The following ATP2A2 variants were observed in gnomAD, a reference collection of about 807,000 sequenced individuals.
ATP2A2 encodes the protein ATPase sarcoplasmic/endoplasmic reticulum Ca2+ transporting 2.
A neutral mutation model predicts 109.3 loss-of-function variants in ATP2A2; 14 were observed. The observed-to-expected ratio is 0.13, with a 90% CI of 0.08 to 0.20. The LOEUF (loss-of-function observed/expected upper bound fraction) is 0.20, where lower values mean the gene tolerates loss of function less well. ATP2A2 is among the 10% of genes least tolerant of loss of function. ATP2A2 has a pLI of 1.00. For synonymous variants in ATP2A2, 506 were observed against 490.9 expected (o/e 1.03, Z -0.41); for missense variants, 657 against 1,321.6 (o/e 0.50, Z 7.80).
chr12:110,349,247 G>C lies in ATP2A2; in HGVS notation c.*2777G>C. ...GACCAGGTCCAGCACCGTGGTCTTG[G>C]CACATCCCTGGCCTCAGGCCCTCAC... On this transcript the variant is annotated 3_prime_UTR_variant, in exon 20 of 20. Coordinates refer to ENST00000539276, the MANE Select transcript of ATP2A2 (RefSeq NM_170665.4). 1.0e-6 allele frequency: 1 copy of C among 985,542 alleles called. No individual in the cohort carries two copies. 61.0% of individuals were successfully genotyped at this position (985,542 alleles called of 1,614,324 possible). A position where few individuals can be genotyped will look rare whatever the true frequency, so the allele number is the denominator to read the frequency against.
chr12:110,312,849 C>CAAAAAAAAAAAAAAAAAA (rs34180879), intron 5 of ATP2A2, among the ~76,000 whole-genome samples: 1 of 66,190 alleles, frequency 1.5e-5, no homozygotes. Context: ...GACTCTGTTG[C>CAAAAAAAAAAAAAAAAAA]AAAAAAAAAA....
intron 4 of ATP2A2, among the ~76,000 whole-genome samples, chr12:110,293,035 AGG>A (rs1194160051): frequency 6.6e-6 from 1 of 152,058 alleles, no homozygotes; most frequent in Non-Finnish European, 1.5e-5. Context: ...TTGATCTTTT[AGG>A]TATTTGACGG....
At chr12:110,310,468 G>A (rs557142674) in intron 5 of ATP2A2, among the ~76,000 whole-genome samples, 2 of 152,270 alleles carry the variant, frequency 1.3e-5, no homozygotes, top group South Asian at 2.1e-4. Context: ...AGTATATGCC[G>A]CAGGGGTTAT....
rs923907674 is a variant in ATP2A2, at chr12:110,345,379, A to G, written c.2738A>G (p.Asn913Ser). Residue 913 changes from asparagine (N) to serine (S), a missense_variant, in exon 18 of 20, where the codon AAC becomes AGC. Around this residue, in one of 9 missense-constraint regions of ATP2A2, gnomAD observed 125 missense variants for 243.5 expected, o/e 0.51. Transcript: ENST00000539276. ...ACTATAGAAATGTGTAACGCCCTCA[A>G]CAGGTTAGTGCACCTTCACGGCAGG... ...LVTIEMCNAL[N>S]SLSENQSLLR... The G allele has an allele frequency of 1.2e-6, 2 of 1,614,096 alleles. No individual in the cohort carries two copies. Among genetic ancestry groups the G allele is most frequent in the Non-Finnish European group, 1.7e-6 (2 of 1,180,048 alleles).
chr12:110,319,003 A>G (rs1269759643), intron 5 of ATP2A2, among the ~76,000 whole-genome samples: 1 of 152,130 alleles, frequency 6.6e-6, no homozygotes, highest in Non-Finnish European at 1.5e-5. Context: ...CTCTTGCATT[A>G]ATTTTTCTAG....
At chr12:110,284,309 T>C (rs1339310230) in intron 3 of ATP2A2, among the ~76,000 whole-genome samples, 2 of 152,258 alleles carry the variant, frequency 1.3e-5, no homozygotes, top group African/African-American at 2.4e-5. Flanking sequence ...AAGATTTGTA[T>C]TTAACTGGGT....
At chr12:110,300,184 C>CTTT (rs1193882539) in intron 5 of ATP2A2, among the ~76,000 whole-genome samples, 15 of 74,276 alleles carry the variant, frequency 2.0e-4, no homozygotes, top group East Asian at 7.0e-4. Context: ...CTCGCTCTCT[C>CTTT]TTTTTTTTTT....
chr12:110,336,007 A>G (rs927317639), intron 11 of ATP2A2, among the ~76,000 whole-genome samples: 14 of 152,234 alleles, frequency 9.2e-5, no homozygotes, highest in African/African-American at 3.4e-4. Context: ...GCACAGCCAC[A>G]TGGTCCTCTA....
chr12:110,286,244 A>G (rs1333193741), intron 3 of ATP2A2, among the ~76,000 whole-genome samples: 1 of 152,174 alleles, frequency 6.6e-6, no homozygotes, highest in East Asian at 1.9e-4. Flanking sequence ...TTTTGATGTC[A>G]CAAAAACTTG....
chr12:110,296,649 A>G lies in ATP2A2; in HGVS notation c.375A>G (p.Glu125=), dbSNP rs927395206. Residue 125 remains glutamate, a synonymous_variant, in exon 5 of 20, where the codon GAA becomes GAG. Transcript: ENST00000539276. ...AAGCCCTTAAGGAATATGAGCCTGA[A>G]ATGGGCAAAGTGTATCGACAGGACA... ...AIEALKEYEP[E]MGKVYRQDRK... The G allele has an allele frequency of 6.2e-7, 1 of 1,614,022 alleles. No individual in the cohort carries two copies. Among genetic ancestry groups the G allele is most frequent in the Non-Finnish European group, 8.5e-7 (1 of 1,180,024 alleles).
Position 110,350,161 on chromosome 12 carries a change from G to A in ATP2A2, c.*3691G>A, listed in dbSNP as rs1437185985. ...ACAGTAAATCAGAAATGCTGGTCTTGAAACCTTGAAAAGATCAAGCTGAAT... is the reference window on the plus strand; with the variant it reads ...ACAGTAAATCAGAAATGCTGGTCTTAAAACCTTGAAAAGATCAAGCTGAAT... On this transcript the variant is annotated 3_prime_UTR_variant, in exon 20 of 20. Coordinates refer to ENST00000539276, the MANE Select transcript of ATP2A2 (RefSeq NM_170665.4). 1.9e-6 allele frequency: 3 copies of A among 1,581,204 alleles called. No individual in the cohort carries two copies. Among genetic ancestry groups the A allele is most frequent in the Non-Finnish European group, 2.6e-6 (3 of 1,163,432 alleles).
At chr12:110,309,538 T>C (rs1875773937) in intron 5 of ATP2A2, among the ~76,000 whole-genome samples, 1 of 152,142 alleles carries the variant, frequency 6.6e-6, no homozygotes. Flanking sequence ...CAAATGCTAA[T>C]GTGAGTCTTA....
intron 3 of ATP2A2, among the ~76,000 whole-genome samples, chr12:110,283,719 A>G (rs1486055448): frequency 6.6e-6 from 1 of 152,218 alleles, no homozygotes; most frequent in African/African-American, 2.4e-5. Context: ...AAAAACCACG[A>G]TAAGTGAAAT....
intron 5 of ATP2A2, among the ~76,000 whole-genome samples, chr12:110,318,942 A>G (rs1876951689): frequency 6.6e-6 from 1 of 152,234 alleles, no homozygotes; most frequent in Non-Finnish European, 1.5e-5. Context: ...GAGAAACAGC[A>G]CAACAGAAAA....
chr12:110,319,104 G>T (rs1876967998), intron 5 of ATP2A2, among the ~76,000 whole-genome samples: 1 of 151,790 alleles, frequency 6.6e-6, no homozygotes, highest in Admixed American at 6.6e-5. Flanking sequence ...AGTTACTTGG[G>T]AGGCTGAGGT....
intron 5 of ATP2A2, among the ~76,000 whole-genome samples, chr12:110,309,946 C>A (rs1398655790): frequency 2.0e-5 from 3 of 151,604 alleles, no homozygotes; most frequent in Non-Finnish European, 4.4e-5. Flanking sequence ...ACATGTTCAC[C>A]TCTTAAGAAG....
At chr12:110,320,803 C>T (rs145041307) in intron 5 of ATP2A2, among the ~76,000 whole-genome samples, 69 of 152,164 alleles carry the variant, frequency 4.5e-4, no homozygotes, top group African/African-American at 8.0e-4. Context: ...CAAACTGTGC[C>T]GCCTTGTGAC....
At chr12:110,294,006 A>T (rs1873682572) in intron 4 of ATP2A2, among the ~76,000 whole-genome samples, 1 of 148,358 alleles carries the variant, frequency 6.7e-6, no homozygotes, top group African/African-American at 2.5e-5. Context: ...CTTCCCGAGT[A>T]GCTGGGATTA....
At chr12:110,326,290 C>G in intron 6 of ATP2A2, 100 bp from the exon 7 acceptor site, 2 of 1,111,060 alleles carry the variant, frequency 1.8e-6, no homozygotes, top group Non-Finnish European at 2.7e-6. Context: ...CTCACACTAA[C>G]AGTATCCCAA....
Sources: allele counts gnomAD v4.1 joint callset (sites outside exome capture counted in the v4.1 genomes callset), GRCh38; gene constraint gnomAD v4.1.1; regional missense constraint gnomAD v4.1.1; transcripts MANE v1.5; gene names NCBI Gene and HGNC (gene_info 2026-07-23, HGNC 2026-07-21).